CREB5: variants seen among roughly 807,000 people sequenced by gnomAD.
The protein encoded by CREB5 is cyclic AMP-responsive element-binding protein 5.
In CREB5, 19 loss-of-function variants were observed where a neutral mutation model predicts 57.1. The observed-to-expected ratio is 0.33, with a 90% CI of 0.23 to 0.49. The LOEUF (loss-of-function observed/expected upper bound fraction) is 0.49. Among genes scored for constraint, CREB5 ranks in the 20% least tolerant of loss-of-function variants. The pLI, the probability that CREB5 is intolerant of heterozygous loss-of-function variation, is 0.99. For synonymous variants in CREB5, 238 were observed against 238.3 expected (o/e 1.00, Z 0.01); for missense variants, 579 against 671.6 (o/e 0.86, Z 1.52).
chr7:28,688,738 T>C (rs1801082356), intron 5 of CREB5, among the ~76,000 whole-genome samples: 1 of 152,194 alleles, frequency 6.6e-6, no homozygotes, highest in Non-Finnish European at 1.5e-5. Context: ...TATGCCTATC[T>C]GTGGGAAGAA....
intron 5 of CREB5, among the ~76,000 whole-genome samples, chr7:28,589,598 T>C (rs116755620): frequency 0.017 from 2,515 of 152,250 alleles, 67 homozygotes; most frequent in African/African-American, 0.058. Context: ...TGATATTTCT[T>C]TGTGGTTCTT....
At chr7:28,340,180 T>C in intron 1 of CREB5, among the ~76,000 whole-genome samples, 1 of 152,070 alleles carries the variant, frequency 6.6e-6, no homozygotes, top group East Asian at 1.9e-4. Flanking sequence ...CTGTTTACAC[T>C]TTACCCTGCT....
At chr7:28,411,465 C>G (rs7801904), upstream of CREB5, among the ~76,000 whole-genome samples, 1 of 143,996 alleles carries the variant, frequency 6.9e-6, no homozygotes, top group East Asian at 2.1e-4. Context: ...AGTCATTGAA[C>G]TGAGTCAGAA....
chr7:28,705,247 C>A lies in CREB5; in HGVS notation c.465-13506C>A, dbSNP rs538537247. ...GTGTGGTGGCAGCCACCTGTAATCC[C>A]AACTACTCAGGAGGCTGAGGCAGGA... is the stretch of plus-strand genomic sequence containing the variant. On this transcript the variant is annotated intron_variant, in intron 5 of 10. Transcript: ENST00000357727. Among the ~76,000 whole-genome samples, 23 of 151,552 alleles carry A rather than the reference C, an allele frequency of 1.5e-4. 1 individual carries two copies. In the East Asian group the frequency reaches 4.5e-3, roughly 29 times the overall value.
intron 7 of CREB5, among the ~76,000 whole-genome samples, chr7:28,770,397 C>T (rs1178441581): frequency 6.6e-6 from 1 of 151,678 alleles, no homozygotes; most frequent in Non-Finnish European, 1.5e-5. Context: ...CAGAGCATTT[C>T]CACATTCTCT....
At chr7:28,435,956 C>T (rs1788944013) in intron 1 of CREB5, among the ~76,000 whole-genome samples, 1 of 152,116 alleles carries the variant, frequency 6.6e-6, no homozygotes, top group Non-Finnish European at 1.5e-5. Flanking sequence ...CTGGGTGTAA[C>T]ATTTCTCTGT....
chr7:28,794,582 G>A (rs907170400), intron 7 of CREB5, among the ~76,000 whole-genome samples: 1 of 152,218 alleles, frequency 6.6e-6, no homozygotes, highest in African/African-American at 2.4e-5. Flanking sequence ...AAGGAACAGC[G>A]GATCTCTAAT....
chr7:28,593,205 G>T (rs769665516), intron 5 of CREB5, among the ~76,000 whole-genome samples: 1 of 150,300 alleles, frequency 6.7e-6, no homozygotes, highest in Non-Finnish European at 1.5e-5. Context: ...AATTTGTGTC[G>T]GTTGAATCAA....
intron 7 of CREB5, among the ~76,000 whole-genome samples, chr7:28,790,640 G>A (rs1245523712): frequency 6.6e-6 from 1 of 152,174 alleles, no homozygotes; most frequent in Non-Finnish European, 1.5e-5. Flanking sequence ...AGAACCAAGT[G>A]GTGAGCTCAC....
rs148356048 is a variant in CREB5 at position 28,565,513 on chromosome 7, C to A, written c.292-4852C>A. On this transcript the variant is annotated intron_variant, in intron 4 of 10. Coordinates refer to ENST00000357727, the MANE Select transcript of CREB5 (RefSeq NM_182898.4). ...AAAATAAGGATAGTAATGCCTACCT[C>A]TAAGGATCATTGGGAAGACTAGAGA... is the stretch of plus-strand genomic sequence containing the variant. Among the ~76,000 whole-genome samples the A allele has an allele frequency of 4.9e-3, 753 of 152,300 alleles. 3 individuals are homozygous for A. The highest frequency in any genetic ancestry group is 0.017 in the African/African-American group (689 of 41,554).
At chr7:28,576,484 G>T (rs778693460) in intron 5 of CREB5, among the ~76,000 whole-genome samples, 1 of 152,142 alleles carries the variant, frequency 6.6e-6, no homozygotes. Flanking sequence ...GCTCCTGACC[G>T]TGGCAATACC....
chr7:28,350,512 A>C (rs1786166133), intron 1 of CREB5, among the ~76,000 whole-genome samples: 1 of 151,842 alleles, frequency 6.6e-6, no homozygotes, highest in South Asian at 2.1e-4. Flanking sequence ...TCCTCTGGCT[A>C]TAGTGATTGA....
At chr7:28,781,875 A>G (rs1211196349) in intron 7 of CREB5, among the ~76,000 whole-genome samples, 1 of 152,148 alleles carries the variant, frequency 6.6e-6, no homozygotes, top group African/African-American at 2.4e-5. Flanking sequence ...GAACTTTAAA[A>G]ACTGAACTTT....
intron 5 of CREB5, among the ~76,000 whole-genome samples, chr7:28,610,332 T>C (rs926280320): frequency 2.0e-5 from 3 of 152,156 alleles, no homozygotes; most frequent in Non-Finnish European, 4.4e-5. Flanking sequence ...GTTGATAGCA[T>C]TGGGCTTAGT....
At chr7:28,440,007 C>T (rs1318635972) in intron 1 of CREB5, among the ~76,000 whole-genome samples, 1 of 152,158 alleles carries the variant, frequency 6.6e-6, no homozygotes, top group East Asian at 1.9e-4. Context: ...CTGGAACAGG[C>T]TCATCTTTCC....
chr7:28,653,190 G>A (rs937123414), intron 5 of CREB5, among the ~76,000 whole-genome samples: 3 of 152,132 alleles, frequency 2.0e-5, no homozygotes, highest in African/African-American at 2.4e-5. Context: ...TTCTGGAAGA[G>A]CCATCCATAA....
intron 1 of CREB5, among the ~76,000 whole-genome samples, chr7:28,453,148 C>T (rs1789909349): frequency 6.6e-6 from 1 of 152,094 alleles, no homozygotes; most frequent in Non-Finnish European, 1.5e-5. Flanking sequence ...TGCAAAAATA[C>T]ATTTATTGGC....
intron 5 of CREB5, among the ~76,000 whole-genome samples, chr7:28,704,268 C>T (rs1801999637): frequency 1.3e-5 from 2 of 152,158 alleles, no homozygotes; most frequent in African/African-American, 4.8e-5. Context: ...ACCTCCTCGC[C>T]TACCTGTCAC....
At chr7:28,491,434 A>G (rs1300110405) in intron 2 of CREB5, among the ~76,000 whole-genome samples, 2 of 152,104 alleles carry the variant, frequency 1.3e-5, no homozygotes, top group African/African-American at 2.4e-5. Context: ...AAGGGAGTCC[A>G]TTTTGAATGA....
Sources: gnomAD v4.1 joint callset for allele counts (sites outside exome capture counted in the v4.1 genomes callset) on GRCh38, gnomAD v4.1.1 for gene constraint, MANE v1.5 for transcripts, NCBI Gene and HGNC (gene_info 2026-07-23, HGNC 2026-07-21) for gene names.